The following PYGO1 variants were observed in gnomAD, a reference collection of about 807,000 sequenced individuals.
The protein encoded by PYGO1 is pygopus homolog 1.
In PYGO1, 6 loss-of-function variants were observed where a neutral mutation model predicts 29.5. The observed-to-expected ratio is 0.20, with a 90% CI of 0.11 to 0.40. The LOEUF is 0.40. Ranked by LOEUF, PYGO1 falls within the 10% of genes least tolerant of loss-of-function variation. The probability of loss-of-function intolerance (pLI) is 1.00; values close to 1 mark genes in which losing one functional copy is unlikely to be tolerated. For missense variants in PYGO1, 515 were observed against 514.9 expected (o/e 1.00, Z 0.00); for synonymous variants, 186 against 180.5 (o/e 1.03, Z -0.24).
intron 1 of PYGO1, among the ~76,000 whole-genome samples, chr15:55,560,491 C>A (rs1368517745): frequency 2.0e-5 from 3 of 152,116 alleles, no homozygotes; most frequent in Non-Finnish European, 4.4e-5. Flanking sequence ...AGGACCTCTT[C>A]AAGGAGAACT....
intron 1 of PYGO1, among the ~76,000 whole-genome samples, chr15:55,569,699 T>C (rs910813139): frequency 1.3e-5 from 2 of 152,202 alleles, no homozygotes; most frequent in African/African-American, 4.8e-5. Context: ...TATTGAGACT[T>C]GCTTTACAGC....
chr15:55,576,085 T>C (rs2059000319), intron 1 of PYGO1, among the ~76,000 whole-genome samples: 1 of 152,162 alleles, frequency 6.6e-6, no homozygotes, highest in South Asian at 2.1e-4. Context: ...CAAATCCTAG[T>C]TGATTTACAT....
Position 55,588,182 on chromosome 15 carries a change from T to TGCG in PYGO1, c.-302_-300dup, listed in dbSNP as rs1347567729. The TGCG allele has an allele frequency of 3.7e-5, 13 of 353,018 alleles. No individual in the cohort carries two copies. Among genetic ancestry groups the TGCG allele is most frequent in the African/African-American group, 3.0e-4 (13 of 43,608 alleles). The allele number at this position is 353,018 out of a possible 1,614,324, so 21.9% of individuals were successfully genotyped here. A position where few individuals can be genotyped will look rare whatever the true frequency, so the allele number is the denominator to read the frequency against. ...GGGGCCGGCATGTGCTGAGGGCGAG[T>TGCG]GCGCCGCCGCCGCCGCCGCCTCCTC... On this transcript the variant is annotated 5_prime_UTR_variant, in exon 1 of 3. Coordinates refer to ENST00000563719, the MANE Select transcript of PYGO1 (RefSeq NM_001367806.1).
chr15:55,546,026 A>G lies in PYGO1; in HGVS notation c.1257T>C (p.Ala419=), dbSNP rs781344674. 6.3e-7 allele frequency: 1 copy of G among 1,595,484 alleles called. No individual in the cohort carries two copies. The highest frequency in any genetic ancestry group is 1.1e-5 in the South Asian group (1 of 89,488). The change falls in exon 3 of 3, where the codon GCT becomes GCC. Residue 419 remains alanine (A), a synonymous_variant. Coordinates refer to ENST00000563719, the MANE Select transcript of PYGO1 (RefSeq NM_001367806.1). The part of the protein sequence containing the change: ...TFGPSAVGSD[A] ...CCACTTTAGTTAATGCCTTTGATTAAGCATCACTGCCCACTGCAGATGGAC... is the reference window on the plus strand; with the variant it reads ...CCACTTTAGTTAATGCCTTTGATTAGGCATCACTGCCCACTGCAGATGGAC...
At chr15:55,567,455 GTTGT>G (rs1443956708) in intron 1 of PYGO1, among the ~76,000 whole-genome samples, 6 of 151,744 alleles carry the variant, frequency 4.0e-5, no homozygotes, top group African/African-American at 9.7e-5. Flanking sequence ...TTTTAATGGG[GTTGT>G]TTGTTTTTGG....
At position 55,546,665 on chromosome 15, in the gene PYGO1, A is replaced by C; in HGVS notation, c.618T>G (p.Pro206=). 1 of 1,614,142 alleles carries C rather than the reference A, an allele frequency of 6.2e-7. No individual in the cohort carries two copies. Among genetic ancestry groups the C allele is most frequent in the Non-Finnish European group, 8.5e-7 (1 of 1,179,992 alleles). ...GAGAAGTAAAATTTGAATTATTTCCAGGAACAAAATTAGATGCCAAATCGG... is the reference window on the plus strand; with the variant it reads ...GAGAAGTAAAATTTGAATTATTTCCCGGAACAAAATTAGATGCCAAATCGG... ...SNPDLASNFV[P]GNNSNFTSPL... Residue 206 remains proline (P), a synonymous_variant, in exon 3 of 3, where the codon CCT becomes CCG. Coordinates refer to ENST00000563719, the MANE Select transcript of PYGO1 (RefSeq NM_001367806.1).
chr15:55,568,761 T>A (rs1465847572), intron 1 of PYGO1, among the ~76,000 whole-genome samples: 2 of 152,160 alleles, frequency 1.3e-5, no homozygotes, highest in Non-Finnish European at 2.9e-5. Context: ...GGAAGTATGT[T>A]CGTTCGATGC....
chr15:55,560,954 AAAACAAAC>A (rs533316335), intron 1 of PYGO1, among the ~76,000 whole-genome samples: 1 of 152,074 alleles, frequency 6.6e-6, no homozygotes. Context: ...CTCTATCTCA[AAAACAAAC>A]AAACAAACAA....
At chr15:55,577,512 T>A (rs2059008068) in intron 1 of PYGO1, among the ~76,000 whole-genome samples, 1 of 151,916 alleles carries the variant, frequency 6.6e-6, no homozygotes, top group Non-Finnish European at 1.5e-5. Context: ...TCATTCCCAA[T>A]TTTTAAAAAG....
intron 1 of PYGO1, among the ~76,000 whole-genome samples, chr15:55,580,798 T>G (rs1245504012): frequency 6.6e-6 from 1 of 152,192 alleles, no homozygotes; most frequent in African/African-American, 2.4e-5. Flanking sequence ...AATTTTGATG[T>G]TAAAGATGAC....
intron 1 of PYGO1, among the ~76,000 whole-genome samples, chr15:55,553,304 G>A (rs1567052022): frequency 1.3e-5 from 2 of 152,120 alleles, no homozygotes. Flanking sequence ...AGTCTTTCCT[G>A]CCTGCTGGCT....
At position 55,546,646 on chromosome 15, in the gene PYGO1, T is replaced by C; in HGVS notation, c.637A>G (p.Thr213Ala). Residue 213 changes from threonine to alanine, a missense_variant, in exon 3 of 3, where the codon ACT (threonine) becomes GCT (alanine). By Grantham distance (58) the Thr-to-Ala change is moderately conservative. Coordinates refer to ENST00000563719, the MANE Select transcript of PYGO1 (RefSeq NM_001367806.1). ...GAATGATTAGATTCTAACGGAGAAG[T>C]AAAATTTGAATTATTTCCAGGAACA... ...NFVPGNNSNF[T>A]SPLESNHSFI... 6.2e-7 allele frequency: 1 copy of C among 1,614,062 alleles called. No individual in the cohort carries two copies. The highest frequency in any genetic ancestry group is 8.5e-7 in the Non-Finnish European group (1 of 1,179,988).
At position 55,547,143 on chromosome 15, in the gene PYGO1, G is replaced by A; in HGVS notation, c.140C>T (p.Pro47Leu). The change falls in exon 3 of 3, where the codon CCT becomes CTT. Residue 47 changes from proline to leucine, a missense_variant. Pro to Leu is a moderately conservative substitution (Grantham distance 98, BLOSUM62 -3). Transcript: ENST00000563719. Reference sequence around the variant, plus strand: ...ATACTCAGACAATGGAGGGAAAGAAGGTCCCTGAAATGAGAATGTAAAGTA... The same window carrying A: ...ATACTCAGACAATGGAGGGAAAGAAAGTCCCTGAAATGAGAATGTAAAGTA... ...KKKRKANTQG[P>L]SFPPLSEYAP... is the part of the protein sequence containing the mutation. The A allele has an allele frequency of 6.3e-7, 1 of 1,584,140 alleles. No homozygotes were observed. The highest frequency in any genetic ancestry group is 1.1e-5 in the South Asian group (1 of 88,126).
chr15:55,546,689 G>A lies in PYGO1; in HGVS notation c.594C>T (p.Pro198=), dbSNP rs369355207. 154 of 1,613,820 alleles carry A rather than the reference G, an allele frequency of 9.5e-5. No individual in the cohort carries two copies. The highest frequency in any genetic ancestry group is 4.9e-4 in the Middle Eastern group (3 of 6,084). The change falls in exon 3 of 3, where the codon CCC becomes CCT. Residue 198 remains proline, a synonymous_variant. Transcript: ENST00000563719. ...PPQNASQVSN[P]DLASNFVPGN... ...CAGGAACAAAATTAGATGCCAAATC[G>A]GGGTTAGAAACTTGGCTAGCATTCT...
In PYGO1 at chr15:55,544,804, G is replaced by T. The variant is rs1428855354; in HGVS notation, c.*1219C>A. ...ACACATTTTTTTTTTTTGGCCACAG[G>T]TTATAATCTGCTCCAAAAATGGATT... On this transcript the variant is annotated 3_prime_UTR_variant, in exon 3 of 3. Transcript: ENST00000563719. The T allele has an allele frequency of 2.6e-5, 4 of 151,670 alleles. No homozygotes were observed. Among genetic ancestry groups the T allele is most frequent in the African/African-American group, 9.7e-5 (4 of 41,222 alleles). 9.4% of individuals were successfully genotyped at this position (151,670 alleles called of 1,614,324 possible).
At chr15:55,572,463 A>G (rs1224401741) in intron 1 of PYGO1, among the ~76,000 whole-genome samples, 2 of 152,204 alleles carry the variant, frequency 1.3e-5, no homozygotes, top group Non-Finnish European at 2.9e-5. Context: ...GGAAGAAAAG[A>G]GAGGAAAAAA....
intron 1 of PYGO1, among the ~76,000 whole-genome samples, chr15:55,568,075 G>A (rs1160847351): frequency 9.9e-5 from 15 of 151,996 alleles, no homozygotes; most frequent in East Asian, 3.8e-4. Flanking sequence ...TTTTGGTTCC[G>A]TATGAATTTT....
intron 1 of PYGO1, among the ~76,000 whole-genome samples, chr15:55,555,265 T>TATA (rs2058898986): frequency 6.6e-6 from 1 of 151,890 alleles, no homozygotes; most frequent in Non-Finnish European, 1.5e-5. Flanking sequence ...AACTAAGCTT[T>TATA]ATAAGCAAAG....
At chr15:55,574,373 T>C (rs2058992466) in intron 1 of PYGO1, among the ~76,000 whole-genome samples, 1 of 152,216 alleles carries the variant, frequency 6.6e-6, no homozygotes, top group Non-Finnish European at 1.5e-5. Context: ...TACCTTCCTC[T>C]CTACTGCAAA....
Sources: allele counts gnomAD v4.1 joint callset (sites outside exome capture counted in the v4.1 genomes callset), GRCh38; gene constraint gnomAD v4.1.1; transcripts MANE v1.5; gene names NCBI Gene and HGNC (gene_info 2026-07-23, HGNC 2026-07-21).